The following CDH13 variants were observed in gnomAD, a reference collection of about 807,000 sequenced individuals.
CDH13 encodes the protein cadherin 13, also known as cadherin-13.
In CDH13, 24 loss-of-function variants were observed where a neutral mutation model predicts 63.8. That is an observed-to-expected ratio of 0.38 (90% CI 0.27 to 0.53). The LOEUF (loss-of-function observed/expected upper bound fraction) is 0.53. Ranked by LOEUF, CDH13 falls within the 20% of genes least tolerant of loss-of-function variation. The pLI is 0.85. For missense variants in CDH13, 1,049 were observed against 903.1 expected (o/e 1.16, Z -2.07); for synonymous variants, 503 against 355.3 (o/e 1.42, Z -4.67).
intron 2 of CDH13, among the ~76,000 whole-genome samples, chr16:83,025,654 C>A (rs140753405): frequency 6.6e-6 from 1 of 152,134 alleles, no homozygotes; most frequent in East Asian, 1.9e-4. Context: ...GTTTGCCCAA[C>A]GTCACAGGGC....
intron 5 of CDH13, among the ~76,000 whole-genome samples, chr16:83,244,468 C>T (rs1199622458): frequency 2.0e-5 from 3 of 152,128 alleles, no homozygotes; most frequent in East Asian, 3.9e-4. Flanking sequence ...CTGTCAGAAA[C>T]TGTGCTCGGT....
intron 2 of CDH13, among the ~76,000 whole-genome samples, chr16:82,972,424 C>G (rs1187265730): frequency 6.6e-6 from 1 of 152,160 alleles, no homozygotes; most frequent in Non-Finnish European, 1.5e-5. Flanking sequence ...TTGAAAGTCA[C>G]ACAGCCCAGC....
chr16:83,158,570 G>A (rs994312236), intron 4 of CDH13, among the ~76,000 whole-genome samples: 4 of 152,160 alleles, frequency 2.6e-5, no homozygotes, highest in African/African-American at 9.7e-5. Context: ...GCCCATCTAC[G>A]GGCGCACTGT....
At position 82,883,183 on chromosome 16, in the gene CDH13, C is replaced by T. The variant is rs150463256; in HGVS notation, c.157+24710C>T. On this transcript the variant is annotated intron_variant, in intron 2 of 13. Transcript: ENST00000567109. ...AGAGGGCTTGAAGTGCATGCCAGTT[C>T]CGTTGTGGAAAATATGACCTACTAA... 3.8e-3 allele frequency among the ~76,000 whole-genome samples: 579 copies of T among 152,292 alleles called. 5 individuals are homozygous for T. Among genetic ancestry groups the T allele is most frequent in the African/African-American group, 0.013 (524 of 41,566 alleles).
intron 1 of CDH13, among the ~76,000 whole-genome samples, chr16:82,711,769 C>A (rs553562813): frequency 6.6e-6 from 1 of 152,180 alleles, no homozygotes; most frequent in South Asian, 2.1e-4. Context: ...TCAGGAAATA[C>A]CCCACGGTGA....
chr16:82,825,791 C>T (rs1381290602), intron 1 of CDH13: 1 of 151,880 alleles, frequency 6.6e-6, no homozygotes, highest in African/African-American at 2.4e-5. Flanking sequence ...AGGTGATCCA[C>T]CTGCCTCAGC....
At chr16:83,273,796 G>T (rs1567555804) in intron 5 of CDH13, among the ~76,000 whole-genome samples, 1 of 152,138 alleles carries the variant, frequency 6.6e-6, no homozygotes, top group African/African-American at 2.4e-5. Context: ...TAACTACGCA[G>T]CGAGGTAAGT....
chr16:83,574,368 G>C (rs1463276356), intron 7 of CDH13, among the ~76,000 whole-genome samples: 1 of 152,126 alleles, frequency 6.6e-6, no homozygotes, highest in Non-Finnish European at 1.5e-5. Flanking sequence ...TGACTACCTA[G>C]CTCCAAGCAG....
intron 2 of CDH13, among the ~76,000 whole-genome samples, chr16:82,890,814 G>C (rs904064858): frequency 3.9e-5 from 6 of 152,022 alleles, no homozygotes; most frequent in African/African-American, 1.2e-4. Context: ...ACCACGCCCA[G>C]CTAATTTTTG....
chr16:83,156,099 T>G (rs1429899495), intron 4 of CDH13, among the ~76,000 whole-genome samples: 2 of 152,192 alleles, frequency 1.3e-5, no homozygotes, highest in Non-Finnish European at 2.9e-5. Flanking sequence ...CATTCCAGGC[T>G]AGGGGAACCC....
chr16:82,963,663 C>T (rs1170802080), intron 2 of CDH13, among the ~76,000 whole-genome samples: 1 of 152,196 alleles, frequency 6.6e-6, no homozygotes, highest in Non-Finnish European at 1.5e-5. Context: ...GAGCGCATAT[C>T]TGCTTCGTAT....
At chr16:82,856,347 C>A (rs1283227609) in intron 1 of CDH13, among the ~76,000 whole-genome samples, 4 of 145,238 alleles carry the variant, frequency 2.8e-5, no homozygotes, top group African/African-American at 1.0e-4. Context: ...TGCACTCCAG[C>A]CTGGGCAACA....
intron 6 of CDH13, among the ~76,000 whole-genome samples, chr16:83,352,413 C>T (rs973274133): frequency 2.0e-5 from 3 of 152,088 alleles, no homozygotes; most frequent in African/African-American, 7.2e-5. Context: ...ATGGATAGTT[C>T]TCAAAAAACT....
chr16:83,099,942 A>G (rs542386903), intron 3 of CDH13, among the ~76,000 whole-genome samples: 4 of 152,066 alleles, frequency 2.6e-5, no homozygotes, highest in Non-Finnish European at 5.9e-5. Flanking sequence ...AAGCACCCAC[A>G]CTGTCCTACA....
intron 4 of CDH13, chr16:83,180,882 C>G (rs1294893368): frequency 7.2e-6 from 11 of 1,527,636 alleles, no homozygotes; most frequent in Non-Finnish European, 9.7e-6. Flanking sequence ...AACCCACAAT[C>G]CTATTAACAG....
intron 5 of CDH13, among the ~76,000 whole-genome samples, chr16:83,318,861 G>C (rs1486112224): frequency 2.0e-5 from 3 of 152,074 alleles, no homozygotes; most frequent in African/African-American, 4.8e-5. Context: ...ATAGTTGATC[G>C]AATCCTGTGC....
intron 4 of CDH13, among the ~76,000 whole-genome samples, chr16:83,201,566 G>C (rs2039029646): frequency 6.6e-6 from 1 of 152,036 alleles, no homozygotes; most frequent in Non-Finnish European, 1.5e-5. Flanking sequence ...ATACTTCAGT[G>C]TCAGAGCATA....
chr16:83,437,238 T>C (rs1442757048), intron 6 of CDH13, among the ~76,000 whole-genome samples: 1 of 152,196 alleles, frequency 6.6e-6, no homozygotes, highest in African/African-American at 2.4e-5. Flanking sequence ...TTGACCTCTC[T>C]GTGTCTCAGT....
At chr16:83,009,260 T>A (rs1913870858) in intron 2 of CDH13, among the ~76,000 whole-genome samples, 1 of 152,258 alleles carries the variant, frequency 6.6e-6, no homozygotes, top group Admixed American at 6.5e-5. Context: ...GAGGGGCTAC[T>A]TCTGGAGACA....
Sources: allele counts gnomAD v4.1 joint callset (sites outside exome capture counted in the v4.1 genomes callset), GRCh38; gene constraint gnomAD v4.1.1; transcripts MANE v1.5; gene names NCBI Gene and HGNC (gene_info 2026-07-23, HGNC 2026-07-21).